MAP3K20: variants seen among roughly 807,000 people sequenced by gnomAD.
The protein encoded by MAP3K20 is HCCS-4.
MAP3K20 carries 40 observed loss-of-function variants against 85.7 expected under a neutral mutation model. The ratio of observed to expected loss-of-function variants is 0.47; its 90% confidence interval spans 0.36 to 0.61. The LOEUF (loss-of-function observed/expected upper bound fraction) is 0.61. MAP3K20 is among the 20% of genes least tolerant of loss of function. The pLI, the probability that MAP3K20 is intolerant of heterozygous loss-of-function variation, is 0.00. For missense variants in MAP3K20, 817 were observed against 961.7 expected (o/e 0.85, Z 1.99); for synonymous variants, 325 against 327.7 (o/e 0.99, Z 0.09).
chr2:173,152,850 C>T (rs1480600957), intron 2 of MAP3K20, among the ~76,000 whole-genome samples: 5 of 151,364 alleles, frequency 3.3e-5, no homozygotes, highest in African/African-American at 1.2e-4. Context: ...TTGAGGCTCC[C>T]AAGAATATAG....
chr2:173,168,812 G>T (rs1347600755), intron 2 of MAP3K20, among the ~76,000 whole-genome samples: 1 of 152,064 alleles, frequency 6.6e-6, no homozygotes, highest in African/African-American at 2.4e-5. Context: ...ATGAATATAA[G>T]ATTTATGTAG....
chr2:173,203,302 G>A (rs989540134), intron 8 of MAP3K20, among the ~76,000 whole-genome samples: 1 of 152,110 alleles, frequency 6.6e-6, no homozygotes, highest in South Asian at 2.1e-4. Context: ...TCAGTCATAC[G>A]TTCAGAATGT....
chr2:173,232,512 G>T (rs1684546283), intron 14 of MAP3K20, 53 bp downstream of exon 14: 2 of 1,594,854 alleles, frequency 1.3e-6, no homozygotes, highest in East Asian at 2.2e-5. Flanking sequence ...TTGTTTGTTT[G>T]GTTTTTTTTG....
intron 16 of MAP3K20, among the ~76,000 whole-genome samples, chr2:173,254,411 G>A (rs1163632257): frequency 2.9e-5 from 4 of 140,064 alleles, no homozygotes; most frequent in East Asian, 2.0e-4. Flanking sequence ...TCCAGCCTGG[G>A]CAACAGAGTG....
intron 16 of MAP3K20, among the ~76,000 whole-genome samples, chr2:173,247,854 G>T (rs918755058): frequency 6.6e-6 from 1 of 152,154 alleles, no homozygotes; most frequent in African/African-American, 2.4e-5. Flanking sequence ...TAACATGAGG[G>T]TGAGAAAGTT....
intron 11 of MAP3K20, chr2:173,223,351 C>A: frequency 1.2e-6 from 1 of 869,196 alleles, no homozygotes; most frequent in South Asian, 5.3e-5. Flanking sequence ...AATAACAGTA[C>A]CTACTTGAAA....
At chr2:173,079,740 C>T (rs1686962778) in intron 1 of MAP3K20, among the ~76,000 whole-genome samples, 1 of 152,090 alleles carries the variant, frequency 6.6e-6, no homozygotes, top group Non-Finnish European at 1.5e-5. Flanking sequence ...GGGTTAGGAT[C>T]GTCAATATCA....
In MAP3K20 at chr2:173,102,575, C is replaced by A. The variant is rs185386542; in HGVS notation, c.159+11385C>A. ...AATGACTTGAAAATATGACTCTTAT[C>A]CCTGATACTGTTCTTCAAGAAAATA... On this transcript the variant is annotated intron_variant, in intron 2 of 19. Coordinates refer to ENST00000375213, the MANE Select transcript of MAP3K20 (RefSeq NM_016653.3). Among the ~76,000 whole-genome samples, 377 of 152,208 alleles carry A rather than the reference C, an allele frequency of 2.5e-3. 2 individuals carry two copies. Among genetic ancestry groups the A allele is most frequent in the African/African-American group, 8.7e-3 (362 of 41,518 alleles).
intron 12 of MAP3K20, 105 bp downstream of exon 12, chr2:173,229,838 G>C: frequency 7.8e-7 from 1 of 1,282,478 alleles, no homozygotes; most frequent in South Asian, 1.2e-5. Flanking sequence ...GTCTAACTAG[G>C]AGAGGTTGAC....
intron 2 of MAP3K20, among the ~76,000 whole-genome samples, chr2:173,150,871 T>C (rs564431426): frequency 6.6e-6 from 1 of 152,296 alleles, no homozygotes; most frequent in South Asian, 2.1e-4. Flanking sequence ...CAAAAAAAAT[T>C]GTTTTAATGT....
intron 7 of MAP3K20, among the ~76,000 whole-genome samples, chr2:173,197,165 C>T (rs77386832): frequency 6.6e-6 from 1 of 152,114 alleles, no homozygotes; most frequent in Non-Finnish European, 1.5e-5. Context: ...GGTAGACTCA[C>T]ATTTTTGAAC....
At chr2:173,232,885 G>A (rs1684555812) in intron 14 of MAP3K20, among the ~76,000 whole-genome samples, 1 of 152,166 alleles carries the variant, frequency 6.6e-6, no homozygotes, top group Non-Finnish European at 1.5e-5. Context: ...TGCTATGCTG[G>A]TCATTACTGT....
At chr2:173,112,336 A>G (rs2106176170) in intron 2 of MAP3K20, among the ~76,000 whole-genome samples, 1 of 152,294 alleles carries the variant, frequency 6.6e-6, no homozygotes, top group Admixed American at 6.5e-5. Context: ...CAAGGTAAAC[A>G]ATCATATCAT....
intron 2 of MAP3K20, among the ~76,000 whole-genome samples, chr2:173,154,802 A>C (rs1689416717): frequency 6.6e-6 from 1 of 152,208 alleles, no homozygotes; most frequent in African/African-American, 2.4e-5. Flanking sequence ...AACTCAGACT[A>C]TAACCTATAT....
intron 8 of MAP3K20, among the ~76,000 whole-genome samples, chr2:173,201,364 T>C (rs1691054885): frequency 1.3e-5 from 2 of 152,230 alleles, no homozygotes; most frequent in African/African-American, 2.4e-5. Context: ...GTCATTTCCA[T>C]GGTACTCAAT....
chr2:173,197,298 G>A lies in MAP3K20; in HGVS notation c.583-728G>A, dbSNP rs371339553. On this transcript the variant is annotated intron_variant, in intron 7 of 19. Transcript: ENST00000375213. ...TTGCTTTCTTTGGGCATTCCACTCA[G>A]ATTTAATAATCATACTGATCTCAAG... 6.6e-5 allele frequency among the ~76,000 whole-genome samples: 10 copies of A among 152,224 alleles called. No homozygotes were observed. In the East Asian group the frequency reaches 1.7e-3, roughly 26 times the overall value.
At position 173,226,278 on chromosome 2, in the gene MAP3K20, G is replaced by C. The variant is rs921187514; in HGVS notation, c.988-3411G>C. 7.1e-6 allele frequency: 7 copies of C among 985,246 alleles called. No homozygotes were observed. In the African/African-American group the frequency reaches 1.2e-4, roughly 17 times the overall value. 61.0% of individuals were successfully genotyped at this position (985,246 alleles called of 1,614,324 possible). On this transcript the variant is annotated intron_variant, in intron 11 of 19. Coordinates refer to ENST00000375213, the MANE Select transcript of MAP3K20 (RefSeq NM_016653.3). Reference sequence around the variant, plus strand: ...ATTTTTCAGAGTTTTCATTGGAATGGTAAGAGTTTTATGAAAGACAGTTTT... The same window carrying C: ...ATTTTTCAGAGTTTTCATTGGAATGCTAAGAGTTTTATGAAAGACAGTTTT...
chr2:173,111,075 C>T (rs1574023062), intron 2 of MAP3K20, among the ~76,000 whole-genome samples: 1 of 152,220 alleles, frequency 6.6e-6, no homozygotes, highest in East Asian at 1.9e-4. Context: ...CTGTTCACCA[C>T]ATCCATGCCA....
At chr2:173,235,927 CA>C (rs1389569922) in intron 14 of MAP3K20, among the ~76,000 whole-genome samples, 1 of 151,956 alleles carries the variant, frequency 6.6e-6, no homozygotes, top group Non-Finnish European at 1.5e-5. Context: ...AATGCTGTTA[CA>C]AAAGTCAAAC....
Sources: gnomAD v4.1 joint callset for allele counts (sites outside exome capture counted in the v4.1 genomes callset) on GRCh38, gnomAD v4.1.1 for gene constraint, MANE v1.5 for transcripts, NCBI Gene and HGNC (gene_info 2026-07-23, HGNC 2026-07-21) for gene names.